The following FBXL18 variants were observed in gnomAD, a reference collection of about 807,000 sequenced individuals.
FBXL18 encodes F-box/LRR-repeat protein 18.
FBXL18 carries 36 observed loss-of-function variants against 46.0 expected under a neutral mutation model. That is an observed-to-expected ratio of 0.78 (90% confidence interval 0.60 to 1.03). The LOEUF (loss-of-function observed/expected upper bound fraction) is 1.03, where lower values mean the gene tolerates loss of function less well. FBXL18 is among the 50% of genes least tolerant of loss of function. The probability of loss-of-function intolerance (pLI) is 0.00; values close to 1 mark genes in which losing one functional copy is unlikely to be tolerated. For synonymous variants in FBXL18, 557 were observed against 465.3 expected, an observed-to-expected ratio of 1.20 and a Z score of -2.54; for missense variants, 977 against 1,004.1, an observed-to-expected ratio of 0.97 and a Z score of 0.36.
At chr7:5,461,348 C>G (rs1051402170) in intron 4 of FBXL18, among the ~76,000 whole-genome samples, 4 of 152,214 alleles carry the variant, frequency 2.6e-5, no homozygotes, top group African/African-American at 7.2e-5. Context: ...CAGAGGATCG[C>G]TTGAGCCCAG....
rs1011637770 is a variant in FBXL18, at chr7:5,496,008, C to T, written c.1781+4480G>A. On this transcript the variant is annotated intron_variant, in intron 3 of 4. Transcript: ENST00000382368. The surrounding 1 kb of genome is among the most constrained non-coding windows in gnomAD (Gnocchi z 4.8). ...AACCCACAGAACCCGCAGGCCTCTC[C>T]GCGCCTTCTCCATGGCCCTGCTCCT... 1.2e-5 allele frequency: 5 copies of T among 412,764 alleles called. No homozygotes were observed. Among genetic ancestry groups the T allele is most frequent in the South Asian group, 3.5e-5 (2 of 56,374 alleles). 25.6% of individuals were successfully genotyped at this position (412,764 alleles called of 1,614,324 possible).
In FBXL18 at chr7:5,491,463, G is replaced by A. The variant is rs767869346; in HGVS notation, c.1782-14C>T. On this transcript the variant is annotated splice_polypyrimidine_tract_variant and intron_variant, in intron 3 of 4. Transcript: ENST00000382368. Reference sequence around the variant, plus strand: ...GGCTGCTCCAGCCTGCGGGGAGAGAGGGCAGCTGTGAGGTCCGAGGGAGGG... The same window carrying A: ...GGCTGCTCCAGCCTGCGGGGAGAGAAGGCAGCTGTGAGGTCCGAGGGAGGG... 6.4e-7 allele frequency: 1 copy of A among 1,556,592 alleles called. No homozygotes were observed. The highest frequency in any genetic ancestry group is 1.2e-5 in the South Asian group (1 of 85,446).
At chr7:5,457,891 C>A (rs924446455) in intron 4 of FBXL18, among the ~76,000 whole-genome samples, 1 of 152,192 alleles carries the variant, frequency 6.6e-6, no homozygotes, top group Non-Finnish European at 1.5e-5. Flanking sequence ...GGGAAAGGAA[C>A]CCCTGCCACG....
At chr7:5,485,241 G>A (rs532979810) in intron 4 of FBXL18, among the ~76,000 whole-genome samples, 1 of 152,318 alleles carries the variant, frequency 6.6e-6, no homozygotes, top group East Asian at 1.9e-4. Context: ...CTAGAGTAGT[G>A]TGTGGAGGGG....
At chr7:5,491,617 T>C (rs1783928859) in intron 3 of FBXL18, among the ~76,000 whole-genome samples, 168 bp from the exon 4 acceptor site, 1 of 152,186 alleles carries the variant, frequency 6.6e-6, no homozygotes, top group South Asian at 2.1e-4. Context: ...GGGTGCCGAC[T>C]CAGGCCCCCA....
At chr7:5,489,569 G>C in intron 4 of FBXL18, 1 of 272,654 alleles carries the variant, frequency 3.7e-6, no homozygotes, top group Non-Finnish European at 7.2e-6. Context: ...AGGAGATCGA[G>C]ACCATCCTGG....
At chr7:5,490,009 C>A (rs1783876748) in intron 4 of FBXL18, 1 of 1,304,756 alleles carries the variant, frequency 7.7e-7, no homozygotes, top group African/African-American at 1.5e-5. Context: ...TCTATAAACA[C>A]AAGTTGTTTT....
chr7:5,493,684 CGTGT>C lies in FBXL18; in HGVS notation c.1782-2239_1782-2236del, dbSNP rs1554321547. On this transcript the variant is annotated intron_variant, in intron 3 of 4. Coordinates refer to ENST00000382368, the MANE Select transcript of FBXL18 (RefSeq NM_024963.6). ...GTGTGTGTGCGTGCGTGCGTGCGTG[CGTGT>C]GTGTGTGTGGAGACAGGGGTCTCAC... 2.0e-3 allele frequency among the ~76,000 whole-genome samples: 292 copies of C among 146,728 alleles called. 3 individuals carry two copies. The highest frequency in any genetic ancestry group is 4.3e-3 in the East Asian group (21 of 4,832).
Position 5,496,711 on chromosome 7 carries a change from G to A in FBXL18, c.1781+3777C>T, listed in dbSNP as rs1013758280. 6.6e-6 allele frequency among the ~76,000 whole-genome samples: 1 copy of A among 151,952 alleles called. No individual in the cohort carries two copies. The highest frequency in any genetic ancestry group is 2.1e-4 in the South Asian group (1 of 4,836). On this transcript the variant is annotated intron_variant, in intron 3 of 4. Coordinates refer to ENST00000382368, the MANE Select transcript of FBXL18 (RefSeq NM_024963.6). The surrounding 1 kb of genome is among the most constrained non-coding windows in gnomAD (Gnocchi z 4.8). ...AGCCCGGGCAACACAGCAAGACCCC[G>A]TCTCTACAAAAAATACAAAAAACTA...
chr7:5,464,175 A>C (rs1249247749), intron 4 of FBXL18, among the ~76,000 whole-genome samples: 1 of 151,814 alleles, frequency 6.6e-6, no homozygotes, highest in Non-Finnish European at 1.5e-5. Context: ...GAAACCCTGT[A>C]TCTACTAAAA....
In FBXL18 at chr7:5,496,024, C is replaced by A. The variant is rs1032309447; in HGVS notation, c.1781+4464G>T. 1 of 388,870 alleles carries A rather than the reference C, an allele frequency of 2.6e-6. No individual in the cohort carries two copies. Among genetic ancestry groups the A allele is most frequent in the Non-Finnish European group, 5.4e-6 (1 of 184,654 alleles). 24.1% of individuals were successfully genotyped at this position (388,870 alleles called of 1,614,324 possible). Reference sequence around the variant, plus strand: ...AGGCCTCTCCGCGCCTTCTCCATGGCCCTGCTCCTGAGGAAGGCCCTTGGC... The same window carrying A: ...AGGCCTCTCCGCGCCTTCTCCATGGACCTGCTCCTGAGGAAGGCCCTTGGC... On this transcript the variant is annotated intron_variant, in intron 3 of 4. Transcript: ENST00000382368. This position sits in a 1 kb window ranked among gnomAD's most constrained non-coding sequence, Gnocchi z 4.8.
Position 5,481,501 on chromosome 7 carries a change from C to T in FBXL18, c.*274G>A. On this transcript the variant is annotated 3_prime_UTR_variant, in exon 5 of 5. Transcript: ENST00000382368. ...TCAGTATACAAACCCCCCAGCCAGGCCCCAAGGGTCAGCCTGGTTCAGCCA... is the reference window on the plus strand; with the variant it reads ...TCAGTATACAAACCCCCCAGCCAGGTCCCAAGGGTCAGCCTGGTTCAGCCA... The T allele has an allele frequency of 2.5e-6, 1 of 392,216 alleles. No individual in the cohort carries two copies. Among genetic ancestry groups the T allele is most frequent in the Non-Finnish European group, 4.7e-6 (1 of 213,580 alleles). 24.3% of individuals were successfully genotyped at this position (392,216 alleles called of 1,614,324 possible).
chr7:5,513,678 G>A lies in FBXL18; in HGVS notation c.-4C>T, dbSNP rs758557188. The A allele has an allele frequency of 4.4e-6, 7 of 1,605,772 alleles. No homozygotes were observed. Among genetic ancestry groups the A allele is most frequent in the Non-Finnish European group, 6.0e-6 (7 of 1,176,442 alleles). ...GTACCTCTCCGGAGCTGGCCATGTC[G>A]CCGGCGGGTCCGAACCGCGGCCGCG... On this transcript the variant is annotated 5_prime_UTR_variant, in exon 1 of 5. Transcript: ENST00000382368.
rs1784602456 is a variant in FBXL18, at chr7:5,513,742, G to T, written c.-68C>A. ...CGTGCCTCCCACCTGCCCGGCTAGGGATGCTCGAAGCCGGCGCGTCCACCG... is the reference window on the plus strand; with the variant it reads ...CGTGCCTCCCACCTGCCCGGCTAGGTATGCTCGAAGCCGGCGCGTCCACCG... On this transcript the variant is annotated 5_prime_UTR_variant, in exon 1 of 5. Transcript: ENST00000382368. 6.4e-6 allele frequency: 10 copies of T among 1,562,662 alleles called. No individual in the cohort carries two copies. Among genetic ancestry groups the T allele is most frequent in the African/African-American group, 1.4e-5 (1 of 73,572 alleles).
In FBXL18 at chr7:5,455,614, C is replaced by G. The variant is rs147975743; in HGVS notation, c.2001-7771G>C. On this transcript the variant is annotated intron_variant and NMD_transcript_variant, in intron 4 of 6. Transcript: ENST00000415009. This position sits in a 1 kb window ranked among gnomAD's most constrained non-coding sequence, Gnocchi z 4.6. ...GGTTTGCATTCCCATGGCGCCAAGT[C>G]GGTCCTGAGAAGATCCTCCGGGATT... Among the ~76,000 whole-genome samples, 1 of 152,108 alleles carries G rather than the reference C, an allele frequency of 6.6e-6. No homozygotes were observed. Among genetic ancestry groups the G allele is most frequent in the Non-Finnish European group, 1.5e-5 (1 of 68,020 alleles).
rs111764029 is a variant in FBXL18, at chr7:5,506,553, C to CTT, written c.19-925_19-924dup. Among the ~76,000 whole-genome samples, 482 of 138,830 alleles carry CTT rather than the reference C, an allele frequency of 3.5e-3. 1 individual carries two copies. The highest frequency in any genetic ancestry group is 9.0e-3 in the African/African-American group (333 of 37,206). The allele number at this position is 138,830 out of a possible 152,430, so 91.1% of individuals were successfully genotyped here. On this transcript the variant is annotated intron_variant, in intron 1 of 4. Coordinates refer to ENST00000382368, the MANE Select transcript of FBXL18 (RefSeq NM_024963.6). The stretch of plus-strand genomic sequence containing the variant: ...TGCAGGTGTGAGCCACCATGCCCGG[C>CTT]TTTTTTTTTTTTTTTCTTTTGGAGA...
At chr7:5,474,498 T>C (rs1317123471), downstream of FBXL18, among the ~76,000 whole-genome samples, 1 of 151,772 alleles carries the variant, frequency 6.6e-6, no homozygotes, top group African/African-American at 2.4e-5. Context: ...GTACTTTTTG[T>C]AGAGACAAGG....
At chr7:5,463,595 G>A in intron 4 of FBXL18, among the ~76,000 whole-genome samples, 1 of 150,956 alleles carries the variant, frequency 6.6e-6, no homozygotes, top group Non-Finnish European at 1.5e-5. Context: ...CTCCCTCCTG[G>A]GTGACAGGGT....
At chr7:5,512,046 T>TA (rs1784548505) in intron 1 of FBXL18, among the ~76,000 whole-genome samples, 1 of 146,142 alleles carries the variant, frequency 6.8e-6, no homozygotes, top group Non-Finnish European at 1.5e-5. Flanking sequence ...CCATCCTGGC[T>TA]AACACGGTGA....
Sources: allele counts gnomAD v4.1 joint callset (sites outside exome capture counted in the v4.1 genomes callset), GRCh38; gene constraint gnomAD v4.1.1; non-coding constraint Gnocchi (gnomAD v3.1); transcripts MANE v1.5; gene names NCBI Gene and HGNC (gene_info 2026-07-23, HGNC 2026-07-21).